SNORC: variants seen among roughly 807,000 people sequenced by gnomAD.
The protein encoded by SNORC is secondary ossification center associated regulator of chondrocyte maturation, also known as protein SNORC.
In SNORC, 11 loss-of-function variants were observed where a neutral mutation model predicts 9.7. The ratio of observed to expected loss-of-function variants is 1.14; its 90% CI spans 0.72 to 1.88. The LOEUF (loss-of-function observed/expected upper bound fraction) is 1.88. Among genes scored for constraint, SNORC ranks in the 40% most tolerant of loss-of-function variants. The pLI, the probability that SNORC is intolerant of heterozygous loss-of-function variation, is 0.00. For missense variants in SNORC, 197 were observed against 173.1 expected (o/e 1.14, Z -0.77); for synonymous variants, 108 against 88.7 (o/e 1.22, Z -1.22).
In SNORC at chr2:232,875,909, G is replaced by C. The variant is rs773491554; in HGVS notation, c.74-31G>C. Reference sequence around the variant, plus strand: ...GACGTCCCTGTCGGCCCCGTCACCTGGGGCCCCAGCACCTCTCCTTGGCTT... The same window carrying C: ...GACGTCCCTGTCGGCCCCGTCACCTCGGGCCCCAGCACCTCTCCTTGGCTT... On this transcript the variant is annotated intron_variant, in intron 1 of 2. Transcript: ENST00000331342. 9 of 1,524,630 alleles carry C rather than the reference G, an allele frequency of 5.9e-6. No individual in the cohort carries two copies. In the Admixed American group the frequency reaches 1.7e-4, roughly 28 times the overall value. The allele number at this position is 1,524,630 out of a possible 1,614,324, so 94.4% of individuals were successfully genotyped here. A position where few individuals can be genotyped will look rare whatever the true frequency, so the allele number is the denominator to read the frequency against.
upstream of SNORC, chr2:232,869,694 G>GA (rs1559179468): frequency 6.4e-6 from 1 of 155,068 alleles, no homozygotes; most frequent in African/African-American, 2.4e-5. Context: ...GGCAGAGAGC[G>GA]AAAGAGGAAA....
Position 232,875,921 on chromosome 2 carries a change from CCT to C in SNORC, c.74-15_74-14del. ...GGCCCCGTCACCTGGGGCCCCAGCA[CCT>C]CTCCTTGGCTTTGCAGACGATGTTC... On this transcript the variant is annotated splice_polypyrimidine_tract_variant and intron_variant, in intron 1 of 2. Coordinates refer to ENST00000331342, the Ensembl canonical transcript of SNORC. 1 of 1,539,400 alleles carries C rather than the reference CCT, an allele frequency of 6.5e-7. No individual in the cohort carries two copies. The highest frequency in any genetic ancestry group is 8.7e-7 in the Non-Finnish European group (1 of 1,143,202).
chr2:232,875,717 C>T, intron 1 of SNORC: 2 of 583,100 alleles, frequency 3.4e-6, no homozygotes, highest in South Asian at 4.1e-5. Context: ...ACCTCCCTTA[C>T]ACTGAACAGA....
chr2:232,876,745 G>A, downstream of SNORC: 1 of 985,938 alleles, frequency 1.0e-6, no homozygotes, highest in Non-Finnish European at 1.2e-6. The surrounding 1 kb of genome is among the most constrained non-coding windows in gnomAD (Gnocchi z 6.8). Context: ...ATCGGAGCGG[G>A]TGTGCGGCCA....
At chr2:232,875,409 C>T in intron 1 of SNORC, 1 of 313,746 alleles carries the variant, frequency 3.2e-6, no homozygotes, top group Non-Finnish European at 6.9e-6. Context: ...GTCAGATGGT[C>T]TGGCTGGGCT....
chr2:232,868,720 T>C (rs927807904), upstream of SNORC, among the ~76,000 whole-genome samples: 13 of 152,180 alleles, frequency 8.5e-5, no homozygotes, highest in Admixed American at 3.3e-4. Context: ...CTTCTCAATC[T>C]CATAGCATCC....
chr2:232,876,879 G>C, downstream of SNORC: 2 of 985,530 alleles, frequency 2.0e-6, no homozygotes, highest in Non-Finnish European at 2.4e-6. This position sits in a 1 kb window ranked among gnomAD's most constrained non-coding sequence, Gnocchi z 6.8. Flanking sequence ...CCCGGGGCCT[G>C]CCTCCCATCC....
At chr2:232,876,900 G>A (rs1691276370), downstream of SNORC, 1 of 985,294 alleles carries the variant, frequency 1.0e-6, no homozygotes. This position sits in a 1 kb window ranked among gnomAD's most constrained non-coding sequence, Gnocchi z 6.8. Flanking sequence ...CGCTCCGCTG[G>A]GGTTCAGAGC....
At chr2:232,875,756 C>T in intron 1 of SNORC, 184 bp from the exon 2 acceptor site, 1 of 650,980 alleles carries the variant, frequency 1.5e-6, no homozygotes, top group Non-Finnish European at 2.5e-6. Context: ...ACCGGCCCTG[C>T]CCAATGGGAG....
upstream of SNORC, chr2:232,870,211 T>TCC (rs1192970501): frequency 2.5e-6 from 2 of 812,026 alleles, no homozygotes; most frequent in Non-Finnish European, 4.1e-6. Flanking sequence ...GGGCACGATG[T>TCC]CCCAGGAGGA....
At chr2:232,874,148 A>G (rs1229139686) in intron 1 of SNORC, among the ~76,000 whole-genome samples, 2 of 152,208 alleles carry the variant, frequency 1.3e-5, no homozygotes, top group Non-Finnish European at 2.9e-5. Flanking sequence ...GTTTACAGAA[A>G]AGTTGCACAA....
chr2:232,874,829 G>A (rs1374149532), intron 1 of SNORC, among the ~76,000 whole-genome samples: 1 of 152,246 alleles, frequency 6.6e-6, no homozygotes, highest in Non-Finnish European at 1.5e-5. Context: ...AACCGCTCCT[G>A]CAACTGTCCA....
upstream of SNORC, chr2:232,870,254 C>A: frequency 8.1e-7 from 1 of 1,232,066 alleles, no homozygotes; most frequent in Non-Finnish European, 1.2e-6. Flanking sequence ...CCTTCCCAGC[C>A]CTTTGATGCC....
chr2:232,867,673 C>T (rs563791281), upstream of SNORC, among the ~76,000 whole-genome samples: 19 of 152,214 alleles, frequency 1.2e-4, no homozygotes, highest in Non-Finnish European at 2.5e-4. Context: ...CCTGCCTCCC[C>T]AGGGTGGGTT....
Position 232,876,122 on chromosome 2 carries a change from G to A in SNORC, c.256G>A (p.Gly86Arg). 1.3e-6 allele frequency: 2 copies of A among 1,493,590 alleles called. No individual in the cohort carries two copies. The highest frequency in any genetic ancestry group is 1.2e-5 in the South Asian group (1 of 80,028). The allele number at this position is 1,493,590 out of a possible 1,614,324, so 92.5% of individuals were successfully genotyped here. A position where few individuals can be genotyped will look rare whatever the true frequency, so the allele number is the denominator to read the frequency against. The stretch of plus-strand genomic sequence containing the variant: ...GCAGGAGCGGCTGGACCAGGGCGGC[G>A]GTACGGGCGGGGCGGGGGAGGGAGG... The change falls in exon 2 of 3, where the codon GGG (glycine) becomes AGG (arginine). Residue 86 changes from glycine (G) to arginine (R), a missense_variant and splice_region_variant. Coordinates refer to ENST00000331342, the Ensembl canonical transcript of SNORC. This position sits in a 1 kb window ranked among gnomAD's most constrained non-coding sequence, Gnocchi z 6.8.
At chr2:232,868,352 C>T (rs922203073), upstream of SNORC, among the ~76,000 whole-genome samples, 1 of 152,174 alleles carries the variant, frequency 6.6e-6, no homozygotes, top group Admixed American at 6.5e-5. Flanking sequence ...CTGCCCCAGC[C>T]TCCCAAAGTG....
At chr2:232,877,137 G>T, downstream of SNORC, 1 of 985,782 alleles carries the variant, frequency 1.0e-6, no homozygotes, top group Non-Finnish European at 1.2e-6. Context: ...TCAGGAGCAG[G>T]ATGAGTCGAG....
intron 1 of SNORC, 138 bp downstream of exon 1, chr2:232,870,552 G>A (rs998494922): frequency 1.5e-5 from 13 of 846,238 alleles, no homozygotes; most frequent in East Asian, 8.0e-5. Context: ...GTGATTCTGC[G>A]AAGAGCTCTT....
downstream of SNORC, chr2:232,877,279 A>G: frequency 1.0e-6 from 1 of 985,234 alleles, no homozygotes. Flanking sequence ...TACTCACCTC[A>G]CTTCACCCTC....
Sources: gnomAD v4.1 joint callset for allele counts (sites outside exome capture counted in the v4.1 genomes callset) on GRCh38, gnomAD v4.1.1 for gene constraint, Gnocchi (gnomAD v3.1) non-coding constraint, MANE v1.5 for transcripts, NCBI Gene and HGNC (gene_info 2026-07-23, HGNC 2026-07-21) for gene names.